MYOM1: variants seen among roughly 807,000 people sequenced by gnomAD.
The protein encoded by MYOM1 is myomesin 1, also known as myomesin-1.
A neutral mutation model predicts 205.3 loss-of-function variants in MYOM1; 164 were observed. The observed-to-expected ratio is 0.80, with a 90% confidence interval of 0.70 to 0.91. MYOM1 has a LOEUF of 0.91. Among genes scored for constraint, MYOM1 ranks in the 40% least tolerant of loss-of-function variants. MYOM1 has a pLI of 0.00. For missense variants in MYOM1, 2,011 were observed against 2,127.3 expected (o/e 0.95, Z 1.08); for synonymous variants, 772 against 789.4 (o/e 0.98, Z 0.37).
At chr18:3,069,820 A>G (rs556264604) in intron 37 of MYOM1, among the ~76,000 whole-genome samples, 1 of 152,310 alleles carries the variant, frequency 6.6e-6, no homozygotes, top group African/African-American at 2.4e-5. Flanking sequence ...GTACTTTCAT[A>G]TACATTCTCT....
rs750472104 is a variant in MYOM1, at chr18:3,129,407, AG to A, written c.2618del (p.Ala873ValfsTer24). On this transcript the variant is annotated frameshift_variant, in exon 18 of 38. Coordinates refer to ENST00000356443, the MANE Select transcript of MYOM1 (RefSeq NM_003803.4). LOFTEE classifies it high-confidence loss of function. ...EASPPTFQKD[A>X]LLGSKPNKPS... is the part of the protein sequence containing the mutation. The stretch of plus-strand genomic sequence containing the variant: ...GTTTGTTAGGTTTGCTGCCAAGCAA[AG>A]CATCTTTCTGGAAGGTTGGCGGGGA... 16 of 1,613,884 alleles carry A rather than the reference AG, an allele frequency of 9.9e-6. No individual in the cohort carries two copies. In the African/African-American group the frequency reaches 1.9e-4, roughly 19 times the overall value.
At chr18:3,117,526 G>A (rs2079624141) in intron 20 of MYOM1, among the ~76,000 whole-genome samples, 1 of 152,216 alleles carries the variant, frequency 6.6e-6, no homozygotes, top group Admixed American at 6.5e-5. Flanking sequence ...ACCCTCTGCA[G>A]GGAGAAAGCC....
intron 10 of MYOM1, among the ~76,000 whole-genome samples, chr18:3,155,420 T>G (rs1052880281): frequency 2.6e-5 from 4 of 152,168 alleles, no homozygotes; most frequent in African/African-American, 4.8e-5. Context: ...GAGATGGGGT[T>G]TCACCGTGTT....
At chr18:3,166,440 C>CT (rs893793426) in intron 9 of MYOM1, among the ~76,000 whole-genome samples, 2 of 151,220 alleles carry the variant, frequency 1.3e-5, no homozygotes, top group South Asian at 4.2e-4. Context: ...CTGGCTAATT[C>CT]TTTTTTTGTT....
intron 21 of MYOM1, among the ~76,000 whole-genome samples, chr18:3,114,597 T>C (rs2079577976): frequency 6.8e-6 from 1 of 146,528 alleles, no homozygotes; most frequent in Admixed American, 7.0e-5. Flanking sequence ...ATGTTTCCCA[T>C]GGTCTTGAAC....
intron 26 of MYOM1, among the ~76,000 whole-genome samples, chr18:3,091,931 C>T (rs1177277245): frequency 6.6e-6 from 1 of 152,052 alleles, no homozygotes; most frequent in Non-Finnish European, 1.5e-5. Flanking sequence ...AGAGTTTTAC[C>T]ATGATGGCCA....
chr18:3,081,637 C>A (rs1326884232), intron 33 of MYOM1, among the ~76,000 whole-genome samples: 1 of 152,170 alleles, frequency 6.6e-6, no homozygotes, highest in Non-Finnish European at 1.5e-5. Flanking sequence ...TCTCATTCTT[C>A]AGACTGATAT....
intron 14 of MYOM1, among the ~76,000 whole-genome samples, chr18:3,137,111 T>C (rs1244074438): frequency 9.2e-5 from 14 of 152,096 alleles, no homozygotes; most frequent in Middle Eastern, 3.4e-3. Flanking sequence ...CCACCACACC[T>C]GGCTAATTTT....
At chr18:3,078,736 T>G (rs1421519267) in intron 34 of MYOM1, among the ~76,000 whole-genome samples, 2 of 152,124 alleles carry the variant, frequency 1.3e-5, no homozygotes, top group African/African-American at 4.8e-5. Flanking sequence ...GCAGACTATT[T>G]TATTTTTGTA....
intron 22 of MYOM1, among the ~76,000 whole-genome samples, chr18:3,110,514 G>T (rs1264018990): frequency 6.6e-6 from 1 of 152,176 alleles, no homozygotes; most frequent in Non-Finnish European, 1.5e-5. Context: ...AAACATGCTA[G>T]TCATTCATTA....
Position 3,168,818 on chromosome 18 carries a change from G to T in MYOM1, c.1338C>A (p.Asn446Lys). 1 of 1,613,346 alleles carries T rather than the reference G, an allele frequency of 6.2e-7. No homozygotes were observed. Among genetic ancestry groups the T allele is most frequent in the Non-Finnish European group, 8.5e-7 (1 of 1,179,626 alleles). ...TGAGCATTCATTGTAAAGACTCACC[G>T]TTTCTGTACCACTGGATCTCTGGCT... ...HFQPEIQWYR[N>K]GVPLSPSKWV... The change falls in exon 9 of 38, where the codon AAC becomes AAA. Residue 446 changes from asparagine to lysine, a missense_variant and splice_region_variant. Asn to Lys is a moderately conservative substitution (Grantham distance 94). Transcript: ENST00000356443.
chr18:3,174,259 T>C, intron 6 of MYOM1, 51 bp from the exon 7 acceptor site: 1 of 1,485,604 alleles, frequency 6.7e-7, no homozygotes, highest in Non-Finnish European at 9.4e-7. Context: ...ATCCTTGTAA[T>C]TACTAGCTGT....
At chr18:3,092,098 C>T (rs1473174902) in intron 26 of MYOM1, among the ~76,000 whole-genome samples, 1 of 152,234 alleles carries the variant, frequency 6.6e-6, no homozygotes, top group South Asian at 2.1e-4. Flanking sequence ...CTTGCTCATT[C>T]ATCGCTATCT....
rs763568623 is a variant in MYOM1, at chr18:3,168,892, T to C, written c.1264A>G (p.Met422Val). 64 of 1,613,796 alleles carry C rather than the reference T, an allele frequency of 4.0e-5. No individual in the cohort carries two copies. Among genetic ancestry groups the C allele is most frequent in the Non-Finnish European group, 5.2e-5 (61 of 1,179,872 alleles). The change falls in exon 9 of 38, where the codon ATG becomes GTG. Residue 422 changes from methionine to valine, a missense_variant. Transcript: ENST00000356443. ...ATGACAACACGACAGCCTAGACTCA[T>C]TGTCTCTCCCTCTCTCCCAAAAGAC... Reference protein sequence around the residue: ...DVSFGREGETMSLGCRVVITP... With the variant: ...DVSFGREGETVSLGCRVVITP...
At chr18:3,095,483 G>T (rs2079290149) in intron 25 of MYOM1, among the ~76,000 whole-genome samples, 1 of 152,144 alleles carries the variant, frequency 6.6e-6, no homozygotes, top group Admixed American at 6.5e-5. Context: ...CAGGAGAACT[G>T]CTTGAACCTG....
chr18:3,172,145 A>G (rs1381817713), intron 8 of MYOM1, among the ~76,000 whole-genome samples: 4 of 152,210 alleles, frequency 2.6e-5, no homozygotes. Flanking sequence ...ATTAGAAAAA[A>G]AGAGCAGAGA....
intron 22 of MYOM1, among the ~76,000 whole-genome samples, chr18:3,107,645 G>C (rs1265627284): frequency 1.3e-5 from 2 of 152,122 alleles, no homozygotes; most frequent in Non-Finnish European, 2.9e-5. Flanking sequence ...AAACTGTCTT[G>C]TTAAAGCTAA....
At chr18:3,146,180 A>T (rs1390551679) in intron 13 of MYOM1, among the ~76,000 whole-genome samples, 1 of 152,070 alleles carries the variant, frequency 6.6e-6, no homozygotes, top group Non-Finnish European at 1.5e-5. Flanking sequence ...AATTATACTG[A>T]ATGTTTAATT....
intron 2 of MYOM1, among the ~76,000 whole-genome samples, chr18:3,198,812 T>G (rs1183728304): frequency 1.3e-5 from 2 of 151,734 alleles, no homozygotes; most frequent in Admixed American, 1.3e-4. Context: ...AAAAGATTTA[T>G]TCTCCTGTAG....
Sources: gnomAD v4.1 joint callset for allele counts (sites outside exome capture counted in the v4.1 genomes callset) on GRCh38, gnomAD v4.1.1 for gene constraint, MANE v1.5 for transcripts, NCBI Gene and HGNC (gene_info 2026-07-23, HGNC 2026-07-21) for gene names.